Variants in ENOX2 observed in about 807,000 individuals in gnomAD.
The protein encoded by ENOX2 is APK1 antigen.
In ENOX2, 36 loss-of-function variants were observed where a neutral mutation model predicts 45.0. That is an observed-to-expected ratio of 0.80 (90% CI 0.61 to 1.06). ENOX2 has a LOEUF of 1.06. ENOX2 is among the 50% of genes least tolerant of loss of function. ENOX2 has a pLI of 0.00. For synonymous variants in ENOX2, 174 were observed against 152.3 expected, an observed-to-expected ratio of 1.14 and a Z score of -1.05; for missense variants, 423 against 462.5, an observed-to-expected ratio of 0.91 and a Z score of 0.78.
chrX:130,828,666 A>G (rs2077764304), intron 2 of ENOX2, among the ~76,000 whole-genome samples: 1 of 112,014 alleles, frequency 8.9e-6, no homozygotes, highest in Admixed American at 9.4e-5. Flanking sequence ...ACAACTCAGT[A>G]GGAAGTTTTC....
intron 2 of ENOX2, among the ~76,000 whole-genome samples, chrX:130,790,205 G>C (rs927863221): frequency 8.9e-6 from 1 of 112,432 alleles, no homozygotes; most frequent in African/African-American, 3.2e-5. Flanking sequence ...AGTCCTTTTC[G>C]GAAGCACTAA....
chrX:130,793,399 C>T lies in ENOX2; in HGVS notation c.-182-9709G>A, dbSNP rs370575678. Among the ~76,000 whole-genome samples the T allele has an allele frequency of 2.2e-4, 25 of 112,091 alleles. No individual in the cohort carries two copies. In the South Asian group the frequency reaches 8.6e-3, roughly 39 times the overall value. On this transcript the variant is annotated intron_variant, in intron 2 of 14. Coordinates refer to ENST00000394363, the MANE Select transcript of ENOX2 (RefSeq NM_006375.4). ...TAAAGTAAATCATGAATAAATAATG[C>T]GGGAGTAGTCAGTGATTGCTCTTTG...
chrX:130,750,006 CTCAG>C (rs1296058775), intron 3 of ENOX2, among the ~76,000 whole-genome samples: 2 of 110,576 alleles, frequency 1.8e-5, no homozygotes, highest in African/African-American at 6.6e-5. Flanking sequence ...TTGTCTGTTG[CTCAG>C]TCAGTGTCTT....
intron 2 of ENOX2, among the ~76,000 whole-genome samples, chrX:130,844,403 GGAAAGAGAAAGA>G (rs1030584754): frequency 9.0e-6 from 1 of 111,206 alleles, no homozygotes; most frequent in Non-Finnish European, 1.9e-5. Flanking sequence ...AGAGAGAAAG[GGAAAGAGAAAGA>G]GAAGGAGGAA....
intron 2 of ENOX2, among the ~76,000 whole-genome samples, chrX:130,845,272 C>T (rs750511357): frequency 6.4e-4 from 72 of 111,768 alleles, no homozygotes; most frequent in African/African-American, 2.2e-3. Flanking sequence ...CATAAAGAGG[C>T]AAATGAAGCC....
At chrX:130,731,730 T>C (rs1318175948) in intron 3 of ENOX2, among the ~76,000 whole-genome samples, 1 of 112,178 alleles carries the variant, frequency 8.9e-6, no homozygotes, top group Non-Finnish European at 1.9e-5. Context: ...TAATATGACA[T>C]TGAGAGAATA....
chrX:130,625,849 G>C (rs2035529997), intron 14 of ENOX2, among the ~76,000 whole-genome samples: 1 of 110,468 alleles, frequency 9.1e-6, no homozygotes. Context: ...GTTCATAATG[G>C]AGAAGTAACA....
At chrX:130,870,914 G>A (rs1046755521) in intron 2 of ENOX2, among the ~76,000 whole-genome samples, 4 of 108,719 alleles carry the variant, frequency 3.7e-5, no homozygotes, top group Admixed American at 9.9e-5. Context: ...GGGAGAGAGA[G>A]GGAGAGGGAG....
At chrX:130,855,929 A>G (rs1405581379) in intron 2 of ENOX2, among the ~76,000 whole-genome samples, 4 of 112,145 alleles carry the variant, frequency 3.6e-5, no homozygotes, top group African/African-American at 1.3e-4. Flanking sequence ...GAGATATTTC[A>G]TAAGGATGAT....
At chrX:130,861,972 A>G (rs886682321) in intron 2 of ENOX2, among the ~76,000 whole-genome samples, 7 of 111,686 alleles carry the variant, frequency 6.3e-5, no homozygotes, top group Non-Finnish European at 9.4e-5. Context: ...AAAGTGGTTT[A>G]TACCAATAAA....
chrX:130,806,904 A>G (rs1347955827), intron 2 of ENOX2, among the ~76,000 whole-genome samples: 5 of 112,513 alleles, frequency 4.4e-5, no homozygotes, highest in African/African-American at 1.6e-4. Context: ...AATTGGCCTG[A>G]TAGAGTTCAT....
At chrX:130,814,843 T>C (rs2077453443) in intron 2 of ENOX2, among the ~76,000 whole-genome samples, 1 of 111,427 alleles carries the variant, frequency 9.0e-6, no homozygotes, top group African/African-American at 3.3e-5. Flanking sequence ...CTCTTTTCCT[T>C]CAAAGGATCA....
rs138699400 is a variant in ENOX2, at chrX:130,740,006, T to A, written c.-38-36752A>T. ...AATGAATTCAATTGATCATTATATA[T>A]CTAGAGTCAAGGCAAATATTTACTG... is the stretch of plus-strand genomic sequence containing the variant. On this transcript the variant is annotated intron_variant, in intron 3 of 14. Transcript: ENST00000394363. 3.0e-3 allele frequency among the ~76,000 whole-genome samples: 334 copies of A among 112,267 alleles called. 1 individual carries two copies. The highest frequency in any genetic ancestry group is 4.6e-3 in the Middle Eastern group (1 of 219).
intron 3 of ENOX2, among the ~76,000 whole-genome samples, chrX:130,759,497 CAGG>C (rs2039424694): frequency 1.0e-5 from 1 of 99,735 alleles, no homozygotes; most frequent in African/African-American, 3.8e-5. Context: ...GAGGCTGGGG[CAGG>C]AGAATTGCTG....
At chrX:130,633,514 T>C (rs1283044410) in intron 12 of ENOX2, among the ~76,000 whole-genome samples, 1 of 113,016 alleles carries the variant, frequency 8.8e-6, no homozygotes, top group South Asian at 3.6e-4. Flanking sequence ...TCTTTTCCCC[T>C]GTCCTCATCA....
chrX:130,709,114 G>T, intron 3 of ENOX2: 1 of 500,911 alleles, frequency 2.0e-6, no homozygotes, highest in Admixed American at 3.0e-5. Flanking sequence ...ATTCCTTGAG[G>T]CCAGGCGACA....
intron 10 of ENOX2, 148 bp downstream of exon 10, chrX:130,656,433 G>A: frequency 2.3e-6 from 1 of 426,041 alleles, no homozygotes; most frequent in Non-Finnish European, 4.1e-6. Context: ...TAATCAGCCA[G>A]TATGTACACA....
At chrX:130,683,217 G>A (rs2037356157) in intron 5 of ENOX2, among the ~76,000 whole-genome samples, 1 of 111,851 alleles carries the variant, frequency 8.9e-6, no homozygotes, top group African/African-American at 3.3e-5. Flanking sequence ...ATAGAGAACC[G>A]ATAAGCCACT....
Position 130,634,968 on chromosome X carries a change from C to A in ENOX2, c.1419+16G>T. ...GTAAAGGGGCAAGGAAAAAGGTTCA[C>A]TTAGGGTGCATGTACCTTTTCTTTA... On this transcript the variant is annotated intron_variant, in intron 12 of 14. Transcript: ENST00000394363. 1 of 936,713 alleles carries A rather than the reference C, an allele frequency of 1.1e-6. No homozygotes were observed. Among genetic ancestry groups the A allele is most frequent in the Non-Finnish European group, 1.5e-6 (1 of 654,836 alleles). The allele number at this position is 936,713 out of a possible 1,213,427, so 77.2% of individuals were successfully genotyped here.
Sources: gnomAD v4.1 joint callset for allele counts (sites outside exome capture counted in the v4.1 genomes callset) on GRCh38, gnomAD v4.1.1 for gene constraint, MANE v1.5 for transcripts, NCBI Gene and HGNC (gene_info 2026-07-23, HGNC 2026-07-21) for gene names.